NPAS3: variants seen among roughly 807,000 people sequenced by gnomAD.
The protein encoded by NPAS3 is neuronal PAS domain protein 3.
NPAS3 carries 14 observed loss-of-function variants against 73.1 expected under a neutral mutation model. That is an observed-to-expected ratio of 0.19 (90% CI 0.13 to 0.30). The LOEUF (loss-of-function observed/expected upper bound fraction) is 0.30, where lower values mean the gene tolerates loss of function less well. Ranked by LOEUF, NPAS3 falls within the 10% of genes least tolerant of loss-of-function variation. The pLI, the probability that NPAS3 is intolerant of heterozygous loss-of-function variation, is 1.00. For synonymous variants in NPAS3, 620 were observed against 541.5 expected, an observed-to-expected ratio of 1.14 and a Z score of -2.01; for missense variants, 1,096 against 1,250.0, an observed-to-expected ratio of 0.88 and a Z score of 1.86.
upstream of NPAS3, among the ~76,000 whole-genome samples, chr14:32,936,920 A>C (rs2035713073): frequency 7.0e-6 from 1 of 141,964 alleles, no homozygotes; most frequent in South Asian, 2.3e-4. Context: ...TGCAGTTCTA[A>C]AGACTAAGGC....
At chr14:33,192,817 C>T (rs746286534) in intron 2 of NPAS3, among the ~76,000 whole-genome samples, 1 of 152,180 alleles carries the variant, frequency 6.6e-6, no homozygotes, top group Non-Finnish European at 1.5e-5. Flanking sequence ...ATCACAAGCA[C>T]AGTGTCACCT....
chr14:33,163,472 GT>G (rs2044988679), intron 2 of NPAS3, among the ~76,000 whole-genome samples: 1 of 152,258 alleles, frequency 6.6e-6, no homozygotes, highest in East Asian at 1.9e-4. Context: ...TTAAAATGCA[GT>G]ATTTCTTTCT....
intron 4 of NPAS3, among the ~76,000 whole-genome samples, chr14:33,466,835 A>T (rs993155626): frequency 4.6e-5 from 7 of 151,754 alleles, no homozygotes; most frequent in Non-Finnish European, 2.9e-5. Flanking sequence ...ATTCATGAGA[A>T]CTCCACCCCA....
intron 4 of NPAS3, among the ~76,000 whole-genome samples, chr14:33,370,103 T>C (rs1408737481): frequency 6.6e-6 from 1 of 152,156 alleles, no homozygotes; most frequent in Admixed American, 6.6e-5. Context: ...ACACTCCCCT[T>C]CATCCCCCAC....
chr14:33,636,166 C>T (rs372534736), intron 5 of NPAS3, among the ~76,000 whole-genome samples: 5 of 152,216 alleles, frequency 3.3e-5, no homozygotes, highest in South Asian at 4.1e-4. Context: ...GTGATCCATC[C>T]GCCTCGGCCT....
intron 6 of NPAS3, among the ~76,000 whole-genome samples, chr14:33,725,827 T>A (rs1295540411): frequency 1.3e-5 from 2 of 152,200 alleles, no homozygotes; most frequent in Non-Finnish European, 2.9e-5. Context: ...ACACAGGCTG[T>A]TTCATGGCTT....
At position 33,459,679 on chromosome 14, in the gene NPAS3, A is replaced by G. The variant is rs548441678; in HGVS notation, c.468+92411A>G. 9.2e-5 allele frequency among the ~76,000 whole-genome samples: 14 copies of G among 152,324 alleles called. 1 individual carries two copies. In the South Asian group the frequency reaches 2.9e-3, roughly 32 times the overall value. ...ATGATATACAAAAGTTGATTCTTTT[A>G]TATCTTGTAAACTCTACCTGCCTCT... On this transcript the variant is annotated intron_variant, in intron 4 of 11. Coordinates refer to ENST00000356141, the Ensembl canonical transcript of NPAS3.
intron 4 of NPAS3, among the ~76,000 whole-genome samples, chr14:33,418,569 T>C (rs951167699): frequency 6.6e-6 from 1 of 152,040 alleles, no homozygotes; most frequent in Non-Finnish European, 1.5e-5. Context: ...TTCTTTTCTA[T>C]AAAAATATTT....
chr14:32,944,622 G>A (rs1410307366), intron 1 of NPAS3, among the ~76,000 whole-genome samples: 2 of 152,026 alleles, frequency 1.3e-5, no homozygotes, highest in African/African-American at 4.8e-5. Flanking sequence ...TTTTTACTGC[G>A]CTGAGCCTCA....
chr14:33,052,656 A>G (rs893948658), intron 1 of NPAS3, among the ~76,000 whole-genome samples: 2 of 152,194 alleles, frequency 1.3e-5, no homozygotes, highest in African/African-American at 2.4e-5. Flanking sequence ...CTTGTTTCTA[A>G]TAATACTGCC....
At chr14:32,980,163 T>C (rs551501973) in intron 1 of NPAS3, among the ~76,000 whole-genome samples, 2 of 152,318 alleles carry the variant, frequency 1.3e-5, no homozygotes, top group South Asian at 4.1e-4. Context: ...AAGAATTGGT[T>C]CCTACCTTGA....
intron 3 of NPAS3, among the ~76,000 whole-genome samples, chr14:33,299,172 C>T (rs879033005): frequency 5.9e-5 from 9 of 152,274 alleles, no homozygotes; most frequent in African/African-American, 9.6e-5. Flanking sequence ...ACTTTGGCCA[C>T]GTAGTGTTCA....
At chr14:33,349,756 C>T (rs1359624158) in intron 3 of NPAS3, among the ~76,000 whole-genome samples, 1 of 152,182 alleles carries the variant, frequency 6.6e-6, no homozygotes, top group Non-Finnish European at 1.5e-5. Context: ...TGAATTTGTC[C>T]TTTTCCCGTC....
intron 4 of NPAS3, among the ~76,000 whole-genome samples, chr14:33,424,413 T>C (rs558662250): frequency 1.3e-5 from 2 of 151,654 alleles, no homozygotes; most frequent in Admixed American, 6.6e-5. Context: ...CAGGCAGAGG[T>C]TGTATGATCA....
At chr14:32,962,875 T>C (rs1457187430) in intron 1 of NPAS3, among the ~76,000 whole-genome samples, 1 of 149,896 alleles carries the variant, frequency 6.7e-6, no homozygotes, top group African/African-American at 2.5e-5. Context: ...GGGTAGTTTT[T>C]CTTTCTTTTT....
chr14:32,977,047 A>AAC (rs10628639), intron 1 of NPAS3, among the ~76,000 whole-genome samples: 79,816 of 149,212 alleles, frequency 0.53, 23,887 homozygotes, highest in Non-Finnish European at 0.69. Flanking sequence ...TGGTCAAGGT[A>AAC]ACACACACAC....
rs374671460 is a variant in NPAS3, at chr14:33,057,105, C to A, written c.140+1111C>A. 2.6e-3 allele frequency among the ~76,000 whole-genome samples: 390 copies of A among 152,262 alleles called. 3 individuals are homozygous for A. Among genetic ancestry groups the A allele is most frequent in the African/African-American group, 8.2e-3 (342 of 41,548 alleles). On this transcript the variant is annotated intron_variant, in intron 2 of 11. Transcript: ENST00000356141. The stretch of plus-strand genomic sequence containing the variant: ...GAAATTCTGGTGGCTGTGAAGGCTG[C>A]TCTCTGAAATAGACACAAAGTGGAT...
intron 5 of NPAS3, among the ~76,000 whole-genome samples, chr14:33,670,128 C>A (rs948840606): frequency 6.6e-6 from 1 of 152,056 alleles, no homozygotes; most frequent in Non-Finnish European, 1.5e-5. Flanking sequence ...CAACAAAAAA[C>A]GTACTTAATG....
intron 2 of NPAS3, among the ~76,000 whole-genome samples, chr14:33,069,331 T>C (rs961844470): frequency 2.0e-5 from 3 of 152,230 alleles, no homozygotes; most frequent in African/African-American, 2.4e-5. Context: ...TAAGAGGCTA[T>C]GTGTATGTAC....
Sources: allele counts gnomAD v4.1 joint callset (sites outside exome capture counted in the v4.1 genomes callset), GRCh38; gene constraint gnomAD v4.1.1; transcripts MANE v1.5; gene names NCBI Gene and HGNC (gene_info 2026-07-23, HGNC 2026-07-21).